The following COG4 variants were observed in gnomAD, a reference collection of about 807,000 sequenced individuals.
The protein encoded by COG4 is component of oligomeric golgi complex 4, also known as conserved oligomeric Golgi complex subunit 4.
Under a neutral mutation model 95.1 loss-of-function variants are expected in COG4, and 65 were observed. That is an observed-to-expected ratio of 0.68 (90% CI 0.56 to 0.84). The LOEUF (loss-of-function observed/expected upper bound fraction) is 0.84, where lower values mean the gene tolerates loss of function less well. COG4 is among the 40% of genes least tolerant of loss of function. The probability of loss-of-function intolerance (pLI) is 0.00; values close to 1 mark genes in which losing one functional copy is unlikely to be tolerated. For missense variants in COG4, 1,045 were observed against 989.1 expected, an observed-to-expected ratio of 1.06 and a Z score of -0.76; for synonymous variants, 421 against 374.8, an observed-to-expected ratio of 1.12 and a Z score of -1.42.
chr16:70,507,646 A>T (rs2151757010), intron 8 of COG4, among the ~76,000 whole-genome samples: 1 of 152,178 alleles, frequency 6.6e-6, no homozygotes, highest in South Asian at 2.1e-4. Context: ...GGATCACTTA[A>T]GGTCAGGAGT....
rs193027228 is a variant in COG4 at position 70,507,321 on chromosome 16, C to A, written c.1061+1085G>T. Among the ~76,000 whole-genome samples the A allele has an allele frequency of 3.9e-5, 6 of 152,082 alleles. No homozygotes were observed. The East Asian group carries it at 9.7e-4, about 25-fold the overall frequency. ...ACAAGAGGGTTCCCATAATATTATA[C>A]CTTTTCTATGTTTCTATGGTACAGT... On this transcript the variant is annotated intron_variant, in intron 8 of 18. Transcript: ENST00000323786.
At position 70,483,957 on chromosome 16, in the gene COG4, T is replaced by C; in HGVS notation, c.1723A>G (p.Lys575Glu). The stretch of plus-strand genomic sequence containing the variant: ...CCTCCAATGCCCTGGCTGAAGAGCT[T>C]GGTGCAGTCACTCTAGGGGAGAACA... Reference protein sequence around the residue: ...LKKTLESDCTKLFSQGIGGEQ... With the variant: ...LKKTLESDCTELFSQGIGGEQ... The change falls in exon 14 of 19, where the codon AAG (lysine) becomes GAG (glutamate). Residue 575 changes from lysine to glutamate, a missense_variant. By Grantham distance (56) the Lys-to-Glu change is moderately conservative. Transcript: ENST00000323786. 6.2e-7 allele frequency: 1 copy of C among 1,612,286 alleles called. No individual in the cohort carries two copies. Among genetic ancestry groups the C allele is most frequent in the Non-Finnish European group, 8.5e-7 (1 of 1,179,634 alleles).
rs762237388 is a variant in COG4, at chr16:70,517,642, T to A, written c.353A>T (p.Gln118Leu). The change falls in exon 3 of 19, where the codon CAG becomes CTG. Residue 118 changes from glutamine to leucine, a missense_variant. Physicochemically the swap from Gln to Leu is moderately radical, Grantham distance 113. Coordinates refer to ENST00000323786, the MANE Select transcript of COG4 (RefSeq NM_015386.3). Reference sequence around the variant, plus strand: ...ATGTATTACCTTGGCCAGGTCAAGCTGACGAACTTTGCTGGACACATTCTC... The same window carrying A: ...ATGTATTACCTTGGCCAGGTCAAGCAGACGAACTTTGCTGGACACATTCTC... ...LAENVSSKVRQLDLAKNRLYQ... is the reference protein window; with the variant it reads ...LAENVSSKVRLLDLAKNRLYQ... The A allele has an allele frequency of 8.9e-6, 14 of 1,567,728 alleles. No individual in the cohort carries two copies. In the South Asian group the frequency reaches 1.6e-4, roughly 17 times the overall value.
In COG4 at chr16:70,498,139, ATAGTCTTTCTTTG is replaced by A. The variant is rs918061592; in HGVS notation, c.1196-97_1196-85del. 49 of 817,698 alleles carry A rather than the reference ATAGTCTTTCTTTG, an allele frequency of 6.0e-5. 1 individual carries two copies. The highest frequency in any genetic ancestry group is 9.8e-5 in the East Asian group (4 of 40,968). 50.7% of individuals were successfully genotyped at this position (817,698 alleles called of 1,614,324 possible). ...TTTTTTCATTTTTTCAGGTTCCTTT[ATAGTCTTTCTTTG>A]AAATATGTACATATTTTACATCGTT... On this transcript the variant is annotated intron_variant, in intron 9 of 18. Transcript: ENST00000323786.
At position 70,481,451 on chromosome 16, in the gene COG4, G is replaced by A. The variant is rs1354613726; in HGVS notation, c.2143C>T (p.Leu715Phe). 2.5e-6 allele frequency: 4 copies of A among 1,612,976 alleles called. No homozygotes were observed. Among genetic ancestry groups the A allele is most frequent in the Non-Finnish European group, 3.4e-6 (4 of 1,179,994 alleles). The change falls in exon 18 of 19, where the codon CTC becomes TTC. Residue 715 changes from leucine to phenylalanine, a missense_variant. Coordinates refer to ENST00000323786, the MANE Select transcript of COG4 (RefSeq NM_015386.3). ...GLQFDKELRS[L>F]IAYLTTVTTW... ...GTCACCGTGGTAAGGTAGGCAATGA[G>A]CGACCTCAGCTCCTTGTCAAACTGC...
intron 12 of COG4, among the ~76,000 whole-genome samples, chr16:70,491,012 A>C (rs1281142567): frequency 6.6e-6 from 1 of 152,162 alleles, no homozygotes; most frequent in East Asian, 1.9e-4. Flanking sequence ...TGACTCAGGC[A>C]TACAGGTCCA....
intron 2 of COG4, 81 bp downstream of exon 2, chr16:70,519,568 C>T (rs2049892164): frequency 3.0e-6 from 3 of 1,000,572 alleles, no homozygotes; most frequent in Non-Finnish European, 3.2e-6. Context: ...GTGTTTATAA[C>T]AGAAAGTTTA....
At chr16:70,518,590 G>A (rs1316460158) in intron 2 of COG4, among the ~76,000 whole-genome samples, 1 of 151,768 alleles carries the variant, frequency 6.6e-6, no homozygotes, top group African/African-American at 2.4e-5. Flanking sequence ...TCCTCTAGAT[G>A]AGGCCTCCCA....
chr16:70,482,609 G>T (rs900613043), intron 15 of COG4, 120 bp downstream of exon 15: 8 of 788,308 alleles, frequency 1.0e-5, no homozygotes, highest in African/African-American at 6.8e-5. Context: ...GGGTCAGGGT[G>T]GGGGAAGTGG....
chr16:70,483,919 C>T lies in COG4; in HGVS notation c.1761G>A (p.Gln587=), dbSNP rs752030402. The T allele has an allele frequency of 5.0e-6, 8 of 1,613,192 alleles. No individual in the cohort carries two copies. Among genetic ancestry groups the T allele is most frequent in the Non-Finnish European group, 8.5e-7 (1 of 1,180,034 alleles). ...CAGAAAGGCAGCTGTCAAACTTGGC[C>T]TGGGCCTGCTCCCCTCCAATGCCCT... The part of the protein sequence containing the change: ...FSQGIGGEQA[Q]AKFDSCLSDL... Residue 587 remains glutamine (Q), a synonymous_variant, in exon 14 of 19, where the codon CAG becomes CAA. Transcript: ENST00000323786.
chr16:70,506,760 C>G (rs2049586513), intron 8 of COG4, among the ~76,000 whole-genome samples: 2 of 151,064 alleles, frequency 1.3e-5, no homozygotes, highest in Non-Finnish European at 2.9e-5. Context: ...TACCACTTCA[C>G]TCCAGCCTGG....
At chr16:70,512,496 T>A in intron 4 of COG4, 64 bp from the exon 5 acceptor site, 1 of 1,318,518 alleles carries the variant, frequency 7.6e-7, no homozygotes, top group Non-Finnish European at 1.1e-6. Context: ...TCCATGCCAC[T>A]TTGTGTAATA....
chr16:70,483,769 C>G, intron 14 of COG4, 84 bp downstream of exon 14: 3 of 1,106,788 alleles, frequency 2.7e-6, no homozygotes, highest in Non-Finnish European at 4.2e-6. Flanking sequence ...TCCTGGCTTC[C>G]TTGCACACGA....
rs2048988714 is a variant in COG4 at position 70,481,395 on chromosome 16, C to T, written c.2199G>A (p.Arg733=). The change falls in exon 18 of 19, where the codon CGG becomes CGA. Residue 733 remains arginine (R), a synonymous_variant. Transcript: ENST00000323786. ...TTWTIRDKFA[R]LSQMATILNL... is the part of the protein sequence containing the mutation. ...TGAGGATGGTGGCCATCTGGGAGAG[C>T]CGGGCAAACTTGTCTCGGATGGTCC... 1.2e-6 allele frequency: 2 copies of T among 1,613,198 alleles called. No homozygotes were observed. The highest frequency in any genetic ancestry group is 1.7e-5 in the Admixed American group (1 of 59,978).
In COG4 at chr16:70,517,630, G is replaced by A; in HGVS notation, c.365C>T (p.Ala122Val). 1 of 1,484,750 alleles carries A rather than the reference G, an allele frequency of 6.7e-7. No homozygotes were observed. The highest frequency in any genetic ancestry group is 9.4e-7 in the Non-Finnish European group (1 of 1,066,276). 92.0% of individuals were successfully genotyped at this position (1,484,750 alleles called of 1,614,324 possible). A position where few individuals can be genotyped will look rare whatever the true frequency, so the allele number is the denominator to read the frequency against. The change falls in exon 3 of 19, where the codon GCC becomes GTC. Residue 122 changes from alanine to valine, a missense_variant. By Grantham distance (64) the Ala-to-Val change is moderately conservative. Coordinates refer to ENST00000323786, the MANE Select transcript of COG4 (RefSeq NM_015386.3). ...VSSKVRQLDL[A>V]KNRLYQAIQR... is the part of the protein sequence containing the mutation. Reference sequence around the variant, plus strand: ...AAAAAAAGCTTGATGTATTACCTTGGCCAGGTCAAGCTGACGAACTTTGCT... The same window carrying A: ...AAAAAAAGCTTGATGTATTACCTTGACCAGGTCAAGCTGACGAACTTTGCT...
intron 8 of COG4, 101 bp from the exon 9 acceptor site, chr16:70,501,192 C>G: frequency 7.3e-7 from 1 of 1,374,302 alleles, no homozygotes; most frequent in Non-Finnish European, 1.0e-6. Flanking sequence ...CCCACTGGGC[C>G]CATAAGGAAA....
At chr16:70,503,076 G>A (rs186650289) in intron 8 of COG4, among the ~76,000 whole-genome samples, 4 of 152,130 alleles carry the variant, frequency 2.6e-5, no homozygotes, top group Admixed American at 2.0e-4. Context: ...TTTGAGATAG[G>A]GTCACTGTCT....
intron 12 of COG4, among the ~76,000 whole-genome samples, chr16:70,495,014 A>G (rs1168758222): frequency 4.6e-5 from 7 of 152,138 alleles, no homozygotes; most frequent in Admixed American, 3.3e-4. Flanking sequence ...TCCTCTGCAC[A>G]GGGCTTGGTA....
intron 1 of COG4, among the ~76,000 whole-genome samples, chr16:70,520,625 GCT>G (rs1247124158): frequency 6.7e-6 from 1 of 149,516 alleles, no homozygotes; most frequent in Non-Finnish European, 1.5e-5. Context: ...AGAGTGAAAC[GCT>G]GTCTCAAAAA....
Sources: allele counts gnomAD v4.1 joint callset (sites outside exome capture counted in the v4.1 genomes callset), GRCh38; gene constraint gnomAD v4.1.1; transcripts MANE v1.5; gene names NCBI Gene and HGNC (gene_info 2026-07-23, HGNC 2026-07-21).